The following PRKDC variants were observed in gnomAD, a reference collection of about 807,000 sequenced individuals.
The protein encoded by PRKDC is protein kinase, DNA-activated, catalytic subunit.
In PRKDC, 82 loss-of-function variants were observed where a neutral mutation model predicts 486.9. That is an observed-to-expected ratio of 0.17 (90% CI 0.14 to 0.20). The LOEUF (loss-of-function observed/expected upper bound fraction) is 0.20. Ranked by LOEUF, PRKDC falls within the 10% of genes least tolerant of loss-of-function variation. PRKDC has a pLI of 1.00. For missense variants in PRKDC, 4,504 were observed against 5,038.2 expected, an observed-to-expected ratio of 0.89 and a Z score of 3.21; for synonymous variants, 1,895 against 1,837.0, an observed-to-expected ratio of 1.03 and a Z score of -0.81.
At chr8:47,829,597 G>A (rs905176971) in intron 61 of PRKDC, among the ~76,000 whole-genome samples, 17 of 151,974 alleles carry the variant, frequency 1.1e-4, no homozygotes, top group African/African-American at 3.9e-4. Flanking sequence ...TATTTATCTT[G>A]TTATAAGAAG....
chr8:47,852,910 G>A (rs2088443128), intron 51 of PRKDC, 126 bp from the exon 52 acceptor site: 2 of 667,552 alleles, frequency 3.0e-6, no homozygotes, highest in Admixed American at 5.2e-5. Flanking sequence ...AATATAGAAT[G>A]TGATGCAAAT....
Position 47,959,918 on chromosome 8 carries a change from A to AG in PRKDC, c.154+54dup, listed in dbSNP as rs1422220112. ...GAGAAGCGCCGGGCTGCCCGGCTCC[A>AG]GAACGACTCGGGAAGCCAGGACCCA... On this transcript the variant is annotated intron_variant, in intron 1 of 85. Transcript: ENST00000314191. 2.0e-6 allele frequency: 3 copies of AG among 1,520,016 alleles called. No individual in the cohort carries two copies. In the African/African-American group the frequency reaches 4.1e-5, roughly 21 times the overall value. The allele number at this position is 1,520,016 out of a possible 1,614,324, so 94.2% of individuals were successfully genotyped here. A position where few individuals can be genotyped will look rare whatever the true frequency, so the allele number is the denominator to read the frequency against.
chr8:47,846,798 TGAGTA>T (rs149008268), intron 54 of PRKDC, among the ~76,000 whole-genome samples: 4,388 of 152,278 alleles, frequency 0.029, 214 homozygotes, highest in African/African-American at 0.098. Context: ...ATAAATGACT[TGAGTA>T]AAGTTCTAGG....
At chr8:47,925,982 G>A (rs2090151001) in intron 21 of PRKDC, among the ~76,000 whole-genome samples, 1 of 152,058 alleles carries the variant, frequency 6.6e-6, no homozygotes, top group Non-Finnish European at 1.5e-5. Flanking sequence ...CTTACTTTCT[G>A]CTTTTCTCAA....
intron 25 of PRKDC, among the ~76,000 whole-genome samples, chr8:47,910,546 C>G (rs1340421397): frequency 6.6e-6 from 1 of 152,232 alleles, no homozygotes; most frequent in East Asian, 1.9e-4. Context: ...CTCTTATACT[C>G]CATAAGGCCA....
In PRKDC at chr8:47,776,781, G is replaced by C. The variant is rs992510334; in HGVS notation, c.12182+63C>G. 3.2e-6 allele frequency: 5 copies of C among 1,576,912 alleles called. No homozygotes were observed. In the African/African-American group the frequency reaches 6.8e-5, roughly 21 times the overall value. ...AGCTCAGCACTTTGTATATATGTTGGCTCCTCGAGAAACAGTAGCATGTCG... is the reference window on the plus strand; with the variant it reads ...AGCTCAGCACTTTGTATATATGTTGCCTCCTCGAGAAACAGTAGCATGTCG... On this transcript the variant is annotated intron_variant, in intron 85 of 85. Transcript: ENST00000314191.
chr8:47,775,188 A>AAAAT (rs8178263), intron 85 of PRKDC, among the ~76,000 whole-genome samples: 199 of 150,908 alleles, frequency 1.3e-3, no homozygotes, highest in South Asian at 7.6e-3. Context: ...CTTTGTCTCA[A>AAAAT]AAATAAATAA....
At position 47,951,346 on chromosome 8, in the gene PRKDC, G is replaced by A. The variant is rs559023216; in HGVS notation, c.721+2274C>T. ...ACTGCACTCCAGCCTGGGCAACAGA[G>A]TGAGACCCTGTCTCAGAAAAAAAAA... On this transcript the variant is annotated intron_variant, in intron 7 of 85. Coordinates refer to ENST00000314191, the MANE Select transcript of PRKDC (RefSeq NM_006904.7). 2.9e-4 allele frequency among the ~76,000 whole-genome samples: 44 copies of A among 151,998 alleles called. No homozygotes were observed. The East Asian group carries it at 7.4e-3, about 25-fold the overall frequency.
intron 45 of PRKDC, among the ~76,000 whole-genome samples, chr8:47,860,241 G>C (rs1234851155): frequency 6.6e-6 from 1 of 152,204 alleles, no homozygotes; most frequent in Non-Finnish European, 1.5e-5. Context: ...AGGGATAGTG[G>C]ACTAATTTTA....
At chr8:47,874,790 C>T (rs1239256497) in intron 40 of PRKDC, among the ~76,000 whole-genome samples, 2 of 152,166 alleles carry the variant, frequency 1.3e-5, no homozygotes, top group East Asian at 1.9e-4. Context: ...CACAGTGGCT[C>T]GTGACTGTAA....
At chr8:47,854,005 T>C (rs2088476972) in intron 51 of PRKDC, 78 bp downstream of exon 51, 2 of 1,540,516 alleles carry the variant, frequency 1.3e-6, no homozygotes, top group African/African-American at 2.8e-5. Context: ...CTTAAAATTA[T>C]CAAAACTGCA....
At chr8:47,872,501 TAAA>T in intron 40 of PRKDC, among the ~76,000 whole-genome samples, 1 of 74,132 alleles carries the variant, frequency 1.3e-5, no homozygotes, top group Admixed American at 1.2e-4. Context: ...TATAAAAAAG[TAAA>T]AAAAAAAAAA....
intron 12 of PRKDC, 24 bp from the exon 13 acceptor site, chr8:47,935,924 G>T (rs375949104): frequency 6.3e-7 from 1 of 1,598,656 alleles, no homozygotes; most frequent in South Asian, 1.1e-5. Context: ...TCAGCAAACC[G>T]TGAGTTAGAG....
chr8:47,938,194 G>A (rs971706999), intron 11 of PRKDC, among the ~76,000 whole-genome samples: 3 of 151,792 alleles, frequency 2.0e-5, no homozygotes, highest in African/African-American at 7.3e-5. Flanking sequence ...ATCACCTGAG[G>A]TCGGGAGTTC....
intron 68 of PRKDC, among the ~76,000 whole-genome samples, chr8:47,815,343 T>A (rs1331129554): frequency 4.6e-5 from 7 of 152,190 alleles, no homozygotes; most frequent in Non-Finnish European, 5.9e-5. Context: ...GAAAGACTTT[T>A]GAACAAATGC....
At chr8:47,789,821 T>G (rs1355720293) in intron 74 of PRKDC, among the ~76,000 whole-genome samples, 1 of 152,176 alleles carries the variant, frequency 6.6e-6, no homozygotes, top group Non-Finnish European at 1.5e-5. Context: ...CAAAAACCAC[T>G]GATCATTTTA....
intron 69 of PRKDC, among the ~76,000 whole-genome samples, chr8:47,804,546 C>A (rs1006240370): frequency 1.3e-5 from 2 of 152,054 alleles, no homozygotes; most frequent in African/African-American, 4.8e-5. Flanking sequence ...GTGATCCACC[C>A]GCCTTGGCCT....
chr8:47,889,289 C>T, intron 32 of PRKDC, 67 bp from the exon 33 acceptor site: 1 of 1,381,614 alleles, frequency 7.2e-7, no homozygotes, highest in Non-Finnish European at 9.8e-7. Flanking sequence ...AAGTGCAGGG[C>T]CCACAAGGTT....
chr8:47,840,237 T>G (rs2088110333), intron 54 of PRKDC, 48 bp from the exon 55 acceptor site: 1 of 1,487,752 alleles, frequency 6.7e-7, no homozygotes, highest in Non-Finnish European at 9.1e-7. Context: ...TTTTTATTAT[T>G]GCACTTTCAA....
Sources: gnomAD v4.1 joint callset for allele counts (sites outside exome capture counted in the v4.1 genomes callset) on GRCh38, gnomAD v4.1.1 for gene constraint, MANE v1.5 for transcripts, NCBI Gene and HGNC (gene_info 2026-07-23, HGNC 2026-07-21) for gene names.